The following TXNL1 variants were observed in gnomAD, a reference collection of about 807,000 sequenced individuals.
TXNL1 encodes the protein thioredoxin like 1.
In TXNL1, 14 loss-of-function variants were observed where a neutral mutation model predicts 35.5. That is an observed-to-expected ratio of 0.39 (90% CI 0.26 to 0.62). The LOEUF (loss-of-function observed/expected upper bound fraction) is 0.62. Among genes scored for constraint, TXNL1 ranks in the 20% least tolerant of loss-of-function variants. The probability of loss-of-function intolerance (pLI) is 0.47; values close to 1 mark genes in which losing one functional copy is unlikely to be tolerated. For synonymous variants in TXNL1, 110 were observed against 115.5 expected (o/e 0.95, Z 0.31); for missense variants, 263 against 349.7 (o/e 0.75, Z 1.98).
At chr18:56,637,122 G>A (rs1311350712) in intron 1 of TXNL1, among the ~76,000 whole-genome samples, 1 of 152,128 alleles carries the variant, frequency 6.6e-6, no homozygotes, top group East Asian at 1.9e-4. Flanking sequence ...TCAATTCAGT[G>A]TAAGAGAGAC....
intron 3 of TXNL1, among the ~76,000 whole-genome samples, chr18:56,619,127 T>C (rs919750469): frequency 1.4e-5 from 2 of 146,100 alleles, no homozygotes. Context: ...GCTGGGAGGA[T>C]GGCTTGAGCT....
At chr18:56,605,580 C>T (rs1188419387) in intron 7 of TXNL1, among the ~76,000 whole-genome samples, 2 of 152,010 alleles carry the variant, frequency 1.3e-5, no homozygotes, top group Admixed American at 1.3e-4. Flanking sequence ...TAAAATAAAG[C>T]AATCCATATA....
chr18:56,605,143 A>G (rs905819070), intron 7 of TXNL1: 39 of 152,162 alleles, frequency 2.6e-4, no homozygotes, highest in African/African-American at 8.9e-4. Flanking sequence ...AAGAAACACA[A>G]CTAGGATGAG....
At chr18:56,621,487 C>T (rs993260865) in intron 3 of TXNL1, among the ~76,000 whole-genome samples, 1 of 152,104 alleles carries the variant, frequency 6.6e-6, no homozygotes, top group African/African-American at 2.4e-5. Context: ...AGCCACCACA[C>T]GCCCAGCCCA....
intron 7 of TXNL1, among the ~76,000 whole-genome samples, chr18:56,605,576 A>G (rs1278766050): frequency 3.9e-5 from 6 of 152,230 alleles, no homozygotes; most frequent in Non-Finnish European, 1.5e-5. Context: ...GTATTAAAAT[A>G]AAGCAATCCA....
At chr18:56,636,292 C>T (rs542713892) in intron 1 of TXNL1, among the ~76,000 whole-genome samples, 3 of 151,900 alleles carry the variant, frequency 2.0e-5, no homozygotes, top group Non-Finnish European at 4.4e-5. Context: ...GAAACTATGC[C>T]CTCAGTCTAA....
chr18:56,619,652 C>G (rs1598917996), intron 3 of TXNL1, among the ~76,000 whole-genome samples: 1 of 151,924 alleles, frequency 6.6e-6, no homozygotes, highest in Non-Finnish European at 1.5e-5. Flanking sequence ...CGTTTACTTC[C>G]CTGTGGTGTC....
At chr18:56,605,495 T>C (rs1401578670) in intron 7 of TXNL1, among the ~76,000 whole-genome samples, 1 of 150,502 alleles carries the variant, frequency 6.6e-6, no homozygotes, top group Non-Finnish European at 1.5e-5. Context: ...ATGCACCTCA[T>C]TTCCTAAGAA....
Position 56,624,405 on chromosome 18 carries a change from G to A in TXNL1, c.252C>T (p.Asn84=). The A allele has an allele frequency of 6.2e-7, 1 of 1,613,018 alleles. No homozygotes were observed. The highest frequency in any genetic ancestry group is 8.5e-7 in the Non-Finnish European group (1 of 1,179,488). Residue 84 remains asparagine, a synonymous_variant, in exon 3 of 8, where the codon AAC becomes AAT. Coordinates refer to ENST00000217515, the MANE Select transcript of TXNL1 (RefSeq NM_004786.3). ...SATPTFLFFR[N]KVRIDQYQGA... is the part of the protein sequence containing the mutation. ...CTTGATATTGATCAATTCTCACTTT[G>A]TTTCGAAAAAACAAAAATGTAGGTG...
intron 5 of TXNL1, 112 bp downstream of exon 5, chr18:56,616,133 A>T (rs76440253): frequency 6.8e-5 from 32 of 471,072 alleles, no homozygotes; most frequent in Non-Finnish European, 9.9e-5. Flanking sequence ...CTCTGTCTCA[A>T]AAAAAAAAAA....
chr18:56,599,511 T>G lies in TXNL1; in HGVS notation c.*3516A>C, dbSNP rs1478590791. 1 of 152,020 alleles carries G rather than the reference T, an allele frequency of 6.6e-6. No individual in the cohort carries two copies. Among genetic ancestry groups the G allele is most frequent in the Admixed American group, 6.6e-5 (1 of 15,248 alleles). 9.4% of individuals were successfully genotyped at this position (152,020 alleles called of 1,614,324 possible). A position where few individuals can be genotyped will look rare whatever the true frequency, so the allele number is the denominator to read the frequency against. On this transcript the variant is annotated 3_prime_UTR_variant, in exon 8 of 8. Coordinates refer to ENST00000217515, the MANE Select transcript of TXNL1 (RefSeq NM_004786.3). ...CACCTCTAATAATGAGTTTTAAAGC[T>G]AAATGAGCAAAATATTCCTCTAGTT... is the stretch of plus-strand genomic sequence containing the variant.
Position 56,614,589 on chromosome 18 carries a change from G to C in TXNL1, c.570C>G (p.Gly190=). ...TGATAAAAATTTTTACATATTTAGG[G>C]CCCTGACCTATACAATGGTAGAATA... The part of the protein sequence containing the change: ...MKFQGPDNGQ[G]PKYVKIFINL... The change falls in exon 6 of 8, where the codon GGC becomes GGG. Residue 190 remains glycine (G), a synonymous_variant. Coordinates refer to ENST00000217515, the MANE Select transcript of TXNL1 (RefSeq NM_004786.3). 6.2e-7 allele frequency: 1 copy of C among 1,611,148 alleles called. No individual in the cohort carries two copies. The highest frequency in any genetic ancestry group is 8.5e-7 in the Non-Finnish European group (1 of 1,179,232).
In TXNL1 at chr18:56,601,809, T is replaced by A. The variant is rs1422252203; in HGVS notation, c.*1218A>T. On this transcript the variant is annotated 3_prime_UTR_variant, in exon 8 of 8. Coordinates refer to ENST00000217515, the MANE Select transcript of TXNL1 (RefSeq NM_004786.3). ...TAGTTTTCAAAATACTCAGAAATTT[T>A]AAAATTAAAACTACCAATACTTTTT... is the stretch of plus-strand genomic sequence containing the variant. The A allele has an allele frequency of 6.6e-6, 1 of 152,228 alleles. No individual in the cohort carries two copies. The highest frequency in any genetic ancestry group is 1.5e-5 in the Non-Finnish European group (1 of 68,042). The allele number at this position is 152,228 out of a possible 1,614,324, so 9.4% of individuals were successfully genotyped here.
rs1453682375 is a variant in TXNL1, at chr18:56,597,589, TA to T, written c.*5437del. 2.0e-5 allele frequency: 3 copies of T among 152,240 alleles called. No individual in the cohort carries two copies. Among genetic ancestry groups the T allele is most frequent in the Non-Finnish European group, 2.9e-5 (2 of 68,032 alleles). The allele number at this position is 152,240 out of a possible 1,614,324, so 9.4% of individuals were successfully genotyped here. ...TTCCTCCCTTTCCTGTTTACTACTCTACCTTCCAGGTTCCTCTTTTCCCAAT... is the reference window on the plus strand; with the variant it reads ...TTCCTCCCTTTCCTGTTTACTACTCTCCTTCCAGGTTCCTCTTTTCCCAAT... On this transcript the variant is annotated 3_prime_UTR_variant, in exon 8 of 8. Coordinates refer to ENST00000217515, the MANE Select transcript of TXNL1 (RefSeq NM_004786.3).
intron 3 of TXNL1, 121 bp from the exon 4 acceptor site, chr18:56,618,247 T>A: frequency 9.1e-7 from 1 of 1,093,172 alleles, no homozygotes; most frequent in Non-Finnish European, 1.3e-6. Context: ...AAACAGTTCA[T>A]AAAACTTTTA....
At chr18:56,634,355 G>A (rs965023939) in intron 1 of TXNL1, among the ~76,000 whole-genome samples, 1 of 152,090 alleles carries the variant, frequency 6.6e-6, no homozygotes, top group Non-Finnish European at 1.5e-5. Context: ...ATTTATTAAC[G>A]GGACCTTAAA....
intron 1 of TXNL1, among the ~76,000 whole-genome samples, chr18:56,636,603 A>AGTGGT (rs1159374791): frequency 5.5e-4 from 84 of 152,330 alleles, no homozygotes; most frequent in African/African-American, 1.9e-3. Context: ...ATACCTTTTT[A>AGTGGT]AATGTAACAG....
chr18:56,602,123 G>A lies in TXNL1; in HGVS notation c.*904C>T, dbSNP rs1231628727. 6.6e-6 allele frequency: 1 copy of A among 152,142 alleles called. No homozygotes were observed. Among genetic ancestry groups the A allele is most frequent in the Non-Finnish European group, 1.5e-5 (1 of 68,110 alleles). The allele number at this position is 152,142 out of a possible 1,614,324, so 9.4% of individuals were successfully genotyped here. A position where few individuals can be genotyped will look rare whatever the true frequency, so the allele number is the denominator to read the frequency against. ...CCTCCCGGGTTCAGCCGATTCTTCT[G>A]TCTCAGCCTCCCAAGTAGCTGGGAT... On this transcript the variant is annotated 3_prime_UTR_variant, in exon 8 of 8. Transcript: ENST00000217515.
intron 5 of TXNL1, among the ~76,000 whole-genome samples, chr18:56,615,946 A>C (rs554022781): frequency 8.4e-4 from 128 of 152,090 alleles, no homozygotes; most frequent in African/African-American, 3.1e-3. Context: ...CCTGGCCAAC[A>C]GATGGTGAAA....
Sources: allele counts gnomAD v4.1 joint callset (sites outside exome capture counted in the v4.1 genomes callset), GRCh38; gene constraint gnomAD v4.1.1; transcripts MANE v1.5; gene names NCBI Gene and HGNC (gene_info 2026-07-23, HGNC 2026-07-21).